The following HERPUD2 variants were observed in gnomAD, a reference collection of about 807,000 sequenced individuals.
The protein encoded by HERPUD2 is HERPUD family member 2, also known as homocysteine-responsive endoplasmic reticulum-resident ubiquitin-like domain member 2 protein.
A neutral mutation model predicts 49.9 loss-of-function variants in HERPUD2; 13 were observed. The observed-to-expected ratio is 0.26, with a 90% confidence interval of 0.17 to 0.41. The LOEUF is 0.41. Among genes scored for constraint, HERPUD2 ranks in the 10% least tolerant of loss-of-function variants. The pLI, the probability that HERPUD2 is intolerant of heterozygous loss-of-function variation, is 1.00. For missense variants in HERPUD2, 449 were observed against 492.2 expected (o/e 0.91, Z 0.83); for synonymous variants, 172 against 171.4 (o/e 1.00, Z -0.03).
At chr7:35,686,676 G>A (rs1490978089) in intron 2 of HERPUD2, among the ~76,000 whole-genome samples, 1 of 88,254 alleles carries the variant, frequency 1.1e-5, no homozygotes, top group Non-Finnish European at 2.0e-5. Context: ...CCGAGATCCC[G>A]CCACTGCACT....
chr7:35,681,997 T>C (rs2116015582), intron 2 of HERPUD2, among the ~76,000 whole-genome samples: 1 of 152,274 alleles, frequency 6.6e-6, no homozygotes, highest in East Asian at 1.9e-4. Flanking sequence ...ATGTGAATTA[T>C]ACCTGCATTA....
Position 35,667,418 on chromosome 7 carries a change from C to CCA in HERPUD2, c.494+14_494+15dup. The CCA allele has an allele frequency of 6.2e-7, 1 of 1,600,148 alleles. No homozygotes were observed. Among genetic ancestry groups the CCA allele is most frequent in the Middle Eastern group, 1.7e-4 (1 of 6,010 alleles). ...GGGCCCCAATCACATTCCATAGCTA[C>CCA]CACAATTTCACTTACCCTTGCATTA... is the stretch of plus-strand genomic sequence containing the variant. On this transcript the variant is annotated intron_variant, in intron 5 of 8. Transcript: ENST00000311350.
chr7:35,689,589 G>A (rs1786137085), intron 2 of HERPUD2, among the ~76,000 whole-genome samples: 1 of 152,128 alleles, frequency 6.6e-6, no homozygotes, highest in Admixed American at 6.5e-5. Context: ...GTTATGGAGT[G>A]TTATAATCTC....
At chr7:35,635,968 T>A (rs1784865709) in intron 6 of HERPUD2, among the ~76,000 whole-genome samples, 1 of 152,232 alleles carries the variant, frequency 6.6e-6, no homozygotes. Flanking sequence ...ACATCTCAGA[T>A]AACAACCCTT....
chr7:35,643,676 A>C (rs1023706665), intron 5 of HERPUD2, among the ~76,000 whole-genome samples: 3 of 151,754 alleles, frequency 2.0e-5, no homozygotes, highest in African/African-American at 7.2e-5. Flanking sequence ...ATAATAATAA[A>C]AATAAAATAA....
chr7:35,671,461 C>T (rs546541601), intron 3 of HERPUD2, among the ~76,000 whole-genome samples: 2 of 152,054 alleles, frequency 1.3e-5, no homozygotes, highest in African/African-American at 2.4e-5. Context: ...TAATTTTCAA[C>T]GTCTCCCTTA....
intron 2 of HERPUD2, among the ~76,000 whole-genome samples, chr7:35,693,285 TTC>T (rs1786232345): frequency 6.6e-6 from 1 of 152,218 alleles, no homozygotes; most frequent in African/African-American, 2.4e-5. Context: ...TGGAGGGCAG[TTC>T]TCTTTTAAAC....
At chr7:35,691,239 T>G (rs760916618) in intron 2 of HERPUD2, among the ~76,000 whole-genome samples, 5 of 152,186 alleles carry the variant, frequency 3.3e-5, no homozygotes, top group Non-Finnish European at 5.9e-5. Context: ...GTGAATTTAA[T>G]ATACCCATAT....
rs1562686330 is a variant in HERPUD2, at chr7:35,682,351, GTGTGTGTATATATATATATATATA to G, written c.148-9097_148-9074del. Among the ~76,000 whole-genome samples, 56 of 28,742 alleles carry G rather than the reference GTGTGTGTATATATATATATATATA, an allele frequency of 1.9e-3. 7 individuals carry two copies. In the East Asian group the frequency reaches 0.031, roughly 16 times the overall value. The allele number at this position is 28,742 out of a possible 152,430, so 18.9% of individuals were successfully genotyped here. A position where few individuals can be genotyped will look rare whatever the true frequency, so the allele number is the denominator to read the frequency against. On this transcript the variant is annotated intron_variant, in intron 2 of 8. Coordinates refer to ENST00000311350, the MANE Select transcript of HERPUD2 (RefSeq NM_022373.5). ...CGTGTGTGTGTGTGTGTGTGTGTGTGTGTGTGTATATATATATATATATATATATATATATACTTAATCGGCATA... is the reference window on the plus strand; with the variant it reads ...CGTGTGTGTGTGTGTGTGTGTGTGTGTATATATATATACTTAATCGGCATA...
At chr7:35,684,210 C>A (rs1366142190) in intron 2 of HERPUD2, among the ~76,000 whole-genome samples, 2 of 152,034 alleles carry the variant, frequency 1.3e-5, no homozygotes, top group African/African-American at 4.8e-5. Flanking sequence ...CACGGTGAAA[C>A]CCTGTCTCTA....
intron 2 of HERPUD2, among the ~76,000 whole-genome samples, chr7:35,691,969 G>A (rs1786200273): frequency 6.6e-6 from 1 of 151,984 alleles, no homozygotes; most frequent in African/African-American, 2.4e-5. Flanking sequence ...TACCCCCACC[G>A]CTCCAGAGCT....
chr7:35,689,145 T>C (rs991406086), intron 2 of HERPUD2, among the ~76,000 whole-genome samples: 1 of 152,126 alleles, frequency 6.6e-6, no homozygotes, highest in Non-Finnish European at 1.5e-5. Flanking sequence ...TATTGAGAAA[T>C]GATTAAACAT....
Position 35,635,175 on chromosome 7 carries a change from G to A in HERPUD2, c.901C>T (p.Arg301Trp), listed in dbSNP as rs776011607. The A allele has an allele frequency of 1.9e-6, 3 of 1,613,926 alleles. No homozygotes were observed. Among genetic ancestry groups the A allele is most frequent in the South Asian group, 1.1e-5 (1 of 91,058 alleles). Residue 301 changes from arginine to tryptophan, a missense_variant, in exon 7 of 9, where the codon CGG (arginine) becomes TGG (tryptophan). Arg to Trp is a moderately radical substitution (Grantham distance 101, BLOSUM62 -3). Transcript: ENST00000311350. Reference sequence around the variant, plus strand: ...ATGGCTCCCATTACCATGATAAACCGACTAAAAGAAGAATAGAAGTATACA... The same window carrying A: ...ATGGCTCCCATTACCATGATAAACCAACTAAAAGAAGAATAGAAGTATACA... Reference protein sequence around the residue: ...SIVYFYSSFSRFIMVMGAMLL... With the variant: ...SIVYFYSSFSWFIMVMGAMLL...
At chr7:35,671,583 T>C (rs773075832) in intron 3 of HERPUD2, among the ~76,000 whole-genome samples, 49 of 152,108 alleles carry the variant, frequency 3.2e-4, no homozygotes, top group Non-Finnish European at 5.6e-4. Flanking sequence ...TTTATTTATC[T>C]TGGGAATGTT....
At chr7:35,642,136 A>T (rs1419719233) in intron 5 of HERPUD2, among the ~76,000 whole-genome samples, 1 of 152,158 alleles carries the variant, frequency 6.6e-6, no homozygotes, top group Non-Finnish European at 1.5e-5. Flanking sequence ...AAACATTTAA[A>T]AAGTGGGCAA....
chr7:35,661,875 T>C (rs932120867), intron 5 of HERPUD2, among the ~76,000 whole-genome samples: 3 of 152,220 alleles, frequency 2.0e-5, no homozygotes, highest in Non-Finnish European at 2.9e-5. Flanking sequence ...TTGCTTTCTC[T>C]TGCCTGATTG....
At chr7:35,684,016 T>G (rs1008331888) in intron 2 of HERPUD2, among the ~76,000 whole-genome samples, 9 of 152,166 alleles carry the variant, frequency 5.9e-5, no homozygotes, top group Non-Finnish European at 1.3e-4. Flanking sequence ...CTTAAAGAAC[T>G]AAAAGTAGAA....
intron 4 of HERPUD2, 45 bp downstream of exon 4, chr7:35,670,170 A>G (rs766758851): frequency 1.0e-6 from 1 of 997,992 alleles, no homozygotes; most frequent in African/African-American, 1.7e-5. Context: ...ACGACGACGA[A>G]AAAAAAAGAA....
chr7:35,647,333 TC>T (rs1785074012), intron 5 of HERPUD2, among the ~76,000 whole-genome samples: 3 of 152,048 alleles, frequency 2.0e-5, no homozygotes, highest in Admixed American at 2.0e-4. Context: ...AGTCCCACCC[TC>T]CTCCAGGCTC....
Sources: gnomAD v4.1 joint callset for allele counts (sites outside exome capture counted in the v4.1 genomes callset) on GRCh38, gnomAD v4.1.1 for gene constraint, MANE v1.5 for transcripts, NCBI Gene and HGNC (gene_info 2026-07-23, HGNC 2026-07-21) for gene names.